The following NSMCE2 variants were observed in gnomAD, a reference collection of about 807,000 sequenced individuals.
NSMCE2 encodes E3 SUMO-protein ligase NSE2.
NSMCE2 carries 24 observed loss-of-function variants against 23.8 expected under a neutral mutation model. The ratio of observed to expected loss-of-function variants is 1.01; its 90% confidence interval spans 0.73 to 1.42. The LOEUF is 1.42. Ranked by LOEUF, NSMCE2 falls within the 40% of genes most tolerant of loss-of-function variation. The pLI is 0.00. For missense variants in NSMCE2, 284 were observed against 296.5 expected (o/e 0.96, Z 0.31); for synonymous variants, 92 against 94.1 (o/e 0.98, Z 0.13).
chr8:125,187,006 A>G (rs1432368401), intron 5 of NSMCE2, among the ~76,000 whole-genome samples: 1 of 152,226 alleles, frequency 6.6e-6, no homozygotes, highest in Non-Finnish European at 1.5e-5. Flanking sequence ...TATGTTAGAA[A>G]TAATTAGGTC....
At chr8:125,216,725 T>C (rs10106909) in intron 5 of NSMCE2, among the ~76,000 whole-genome samples, 11,576 of 152,218 alleles carry the variant, frequency 0.076, 548 homozygotes, top group Middle Eastern at 0.28. Flanking sequence ...CTGAAAAATC[T>C]CCTGCTTCAA....
chr8:125,285,086 G>T (rs992865848), intron 5 of NSMCE2, among the ~76,000 whole-genome samples: 9 of 152,162 alleles, frequency 5.9e-5, no homozygotes, highest in African/African-American at 2.2e-4. Flanking sequence ...GTAGTACAAA[G>T]TATCAGTTGA....
intron 3 of NSMCE2, among the ~76,000 whole-genome samples, chr8:125,117,471 G>A (rs1430815356): frequency 2.6e-5 from 4 of 152,108 alleles, no homozygotes; most frequent in Admixed American, 1.3e-4. Flanking sequence ...TCGATATCTC[G>A]ATATCCTGAT....
chr8:125,149,932 A>G (rs117148127), intron 3 of NSMCE2, among the ~76,000 whole-genome samples: 2,947 of 152,056 alleles, frequency 0.019, 44 homozygotes, highest in Non-Finnish European at 0.029. Context: ...GGATTATTTG[A>G]CACTTAGATT....
rs1430420900 is a variant in NSMCE2, at chr8:125,324,735, C to T, written c.419-32484C>T. 4.7e-5 allele frequency among the ~76,000 whole-genome samples: 5 copies of T among 106,498 alleles called. 2 individuals are homozygous for T. The South Asian group carries it at 1.2e-3, about 26-fold the overall frequency. The allele number at this position is 106,498 out of a possible 152,430, so 69.9% of individuals were successfully genotyped here. On this transcript the variant is annotated intron_variant, in intron 5 of 7. Coordinates refer to ENST00000287437, the MANE Select transcript of NSMCE2 (RefSeq NM_173685.4). ...GACTACAGGCGCCCGCCACTACGCCCGGCTAATTTTTTGTATTTTTAGTAG... is the reference window on the plus strand; with the variant it reads ...GACTACAGGCGCCCGCCACTACGCCTGGCTAATTTTTTGTATTTTTAGTAG...
intron 5 of NSMCE2, among the ~76,000 whole-genome samples, chr8:125,256,922 CAAAAAAAAAAAAAAAA>C (rs60308659): frequency 0.069 from 1,804 of 26,024 alleles, 67 homozygotes; most frequent in African/African-American, 0.17. Context: ...GACTCTGTGT[CAAAAAAAAAAAAAAAA>C]AAAAAAAAAA....
intron 3 of NSMCE2, among the ~76,000 whole-genome samples, chr8:125,137,407 T>C (rs748299842): frequency 3.9e-4 from 60 of 152,222 alleles, no homozygotes; most frequent in Non-Finnish European, 8.5e-4. Context: ...ACCCTATTCG[T>C]ATCTTTTTCT....
intron 3 of NSMCE2, 23 bp from the exon 4 acceptor site, chr8:125,151,148 A>G: frequency 7.7e-7 from 1 of 1,299,584 alleles, no homozygotes; most frequent in Non-Finnish European, 1.1e-6. Flanking sequence ...GAAAATAATA[A>G]TTGCAATTTT....
At chr8:125,247,280 C>T (rs1025770087) in intron 5 of NSMCE2, among the ~76,000 whole-genome samples, 1 of 152,006 alleles carries the variant, frequency 6.6e-6, no homozygotes, top group African/African-American at 2.4e-5. Flanking sequence ...CTGCAGTGAG[C>T]CGTGTTCATG....
intron 3 of NSMCE2, chr8:125,124,109 G>A (rs1315793900): frequency 6.6e-6 from 1 of 152,010 alleles, no homozygotes; most frequent in Non-Finnish European, 1.5e-5. Flanking sequence ...CTATAGATTT[G>A]CCTATTTCCA....
At chr8:125,256,922 CAAAAAAAAAAAAAAAAAAAAAAAAAA>C (rs60308659) in intron 5 of NSMCE2, among the ~76,000 whole-genome samples, 2 of 26,056 alleles carry the variant, frequency 7.7e-5, no homozygotes, top group African/African-American at 2.2e-4. Flanking sequence ...GACTCTGTGT[CAAAAAAAAAAAAAAAAAAAAAAAAAA>C]AAAAAAAAAA....
intron 5 of NSMCE2, among the ~76,000 whole-genome samples, chr8:125,228,462 G>A (rs944528153): frequency 1.3e-5 from 2 of 152,182 alleles, no homozygotes; most frequent in Admixed American, 1.3e-4. Context: ...CAAGCTGGGT[G>A]CTGAGAAAAC....
At chr8:125,315,774 C>A (rs1158969916) in intron 5 of NSMCE2, among the ~76,000 whole-genome samples, 1 of 151,566 alleles carries the variant, frequency 6.6e-6, no homozygotes, top group Non-Finnish European at 1.5e-5. Context: ...AGGCTCACCA[C>A]ATTGATTTTC....
chr8:125,130,750 A>G (rs1445483445), intron 3 of NSMCE2, among the ~76,000 whole-genome samples: 3 of 152,176 alleles, frequency 2.0e-5, no homozygotes, highest in African/African-American at 7.2e-5. Flanking sequence ...TAAGGGGAAC[A>G]TGTGTTCACA....
At chr8:125,232,982 A>G (rs576051654) in intron 5 of NSMCE2, among the ~76,000 whole-genome samples, 54 of 152,372 alleles carry the variant, frequency 3.5e-4, no homozygotes, top group African/African-American at 1.3e-3. Context: ...GAATGGTCAC[A>G]TTCCAGGGTT....
At chr8:125,203,394 A>T (rs1018846292) in intron 5 of NSMCE2, among the ~76,000 whole-genome samples, 1 of 152,182 alleles carries the variant, frequency 6.6e-6, no homozygotes, top group Non-Finnish European at 1.5e-5. Flanking sequence ...TCCTAGGGAG[A>T]AGCTTTTACT....
chr8:125,333,505 C>CT (rs71295847), intron 5 of NSMCE2, among the ~76,000 whole-genome samples: 21,666 of 45,498 alleles, frequency 0.48, 9,524 homozygotes, highest in Non-Finnish European at 0.59. Context: ...CCTGGTGGTT[C>CT]TTTTTTTTTT....
chr8:125,256,516 G>C (rs1461114013), intron 5 of NSMCE2, among the ~76,000 whole-genome samples: 2 of 152,138 alleles, frequency 1.3e-5, no homozygotes, highest in Non-Finnish European at 2.9e-5. Context: ...GGAAATACAT[G>C]TCAAAAATTA....
chr8:125,198,623 C>T (rs1291066125), intron 5 of NSMCE2, among the ~76,000 whole-genome samples: 1 of 152,194 alleles, frequency 6.6e-6, no homozygotes, highest in Non-Finnish European at 1.5e-5. Context: ...CATCGATGTT[C>T]ATCAGAGATA....
Sources: allele counts gnomAD v4.1 joint callset (sites outside exome capture counted in the v4.1 genomes callset), GRCh38; gene constraint gnomAD v4.1.1; transcripts MANE v1.5; gene names NCBI Gene and HGNC (gene_info 2026-07-23, HGNC 2026-07-21).